Variants in GBE1 observed in about 807,000 individuals in gnomAD.
GBE1 encodes 1,4-alpha-glucan branching enzyme 1.
Under a neutral mutation model 88.8 loss-of-function variants are expected in GBE1, and 70 were observed. That is an observed-to-expected ratio of 0.79 (90% CI 0.65 to 0.96). GBE1 has a LOEUF of 0.96. GBE1 is among the 40% of genes least tolerant of loss of function. The pLI is 0.00. For synonymous variants in GBE1, 284 were observed against 300.1 expected (o/e 0.95, Z 0.56); for missense variants, 872 against 871.0 (o/e 1.00, Z -0.01).
At chr3:81,620,309 A>G (rs1704308365) in intron 7 of GBE1, among the ~76,000 whole-genome samples, 4 of 151,654 alleles carry the variant, frequency 2.6e-5, no homozygotes, top group Admixed American at 2.6e-4. Flanking sequence ...CAACCTCCTG[A>G]GTAGCTGGGA....
At chr3:81,599,520 GC>G (rs1481479135) in intron 7 of GBE1, among the ~76,000 whole-genome samples, 4 of 152,226 alleles carry the variant, frequency 2.6e-5, no homozygotes, top group African/African-American at 9.6e-5. Flanking sequence ...TTGCTCCTAG[GC>G]TACAAACCTG....
rs765038598 is a variant in GBE1, at chr3:81,638,544, T to C, written c.992+4237A>G. Among the ~76,000 whole-genome samples the C allele has an allele frequency of 1.5e-4, 23 of 152,274 alleles. No individual in the cohort carries two copies. In the South Asian group the frequency reaches 2.3e-3, roughly 15 times the overall value. On this transcript the variant is annotated intron_variant, in intron 7 of 15. Coordinates refer to ENST00000429644, the MANE Select transcript of GBE1 (RefSeq NM_000158.4). ...ACTACATTATATTCATTATTACTAATTCTAGAAACTCCTGAAACTTATGGG... is the reference window on the plus strand; with the variant it reads ...ACTACATTATATTCATTATTACTAACTCTAGAAACTCCTGAAACTTATGGG...
chr3:81,640,240 G>A (rs1347609138), intron 7 of GBE1, among the ~76,000 whole-genome samples: 1 of 151,704 alleles, frequency 6.6e-6, no homozygotes, highest in Non-Finnish European at 1.5e-5. Context: ...TAACATTTGA[G>A]TCAGTGGACT....
At chr3:81,693,964 GT>G (rs1705556551) in intron 2 of GBE1, among the ~76,000 whole-genome samples, 1 of 152,084 alleles carries the variant, frequency 6.6e-6, no homozygotes, top group African/African-American at 2.4e-5. Flanking sequence ...TGTATAAACT[GT>G]TTTATGATAT....
intron 1 of GBE1, among the ~76,000 whole-genome samples, chr3:81,755,938 AT>A (rs144969922): frequency 0.026 from 3,939 of 151,666 alleles, 172 homozygotes; most frequent in African/African-American, 0.089. Flanking sequence ...CCTCAATACA[AT>A]TTTTTTTTAA....
intron 3 of GBE1, among the ~76,000 whole-genome samples, chr3:81,656,267 T>G (rs931080510): frequency 6.6e-6 from 1 of 152,122 alleles, no homozygotes; most frequent in Non-Finnish European, 1.5e-5. Flanking sequence ...ATTTCCAGAT[T>G]CTGCAGGGGG....
chr3:81,556,063 G>A (rs1703344098), intron 12 of GBE1, among the ~76,000 whole-genome samples: 1 of 152,078 alleles, frequency 6.6e-6, no homozygotes, highest in African/African-American at 2.4e-5. Context: ...ACAGTGAGAT[G>A]TTCTGTACAT....
chr3:81,700,320 T>A (rs1447949647), intron 2 of GBE1, among the ~76,000 whole-genome samples: 1 of 152,174 alleles, frequency 6.6e-6, no homozygotes, highest in African/African-American at 2.4e-5. Flanking sequence ...AAATGATCGC[T>A]AATTTTCGTA....
intron 2 of GBE1, among the ~76,000 whole-genome samples, chr3:81,689,829 T>C (rs1275008845): frequency 6.6e-6 from 1 of 152,110 alleles, no homozygotes; most frequent in Admixed American, 6.5e-5. Context: ...TTGTTTGCAG[T>C]GGGGAGGAGC....
chr3:81,675,913 G>T (rs993371934), intron 2 of GBE1, among the ~76,000 whole-genome samples: 1 of 151,848 alleles, frequency 6.6e-6, no homozygotes, highest in Non-Finnish European at 1.5e-5. Flanking sequence ...TAAAACTTAG[G>T]TATACAAATA....
chr3:81,693,276 C>G (rs1705546379), intron 2 of GBE1, among the ~76,000 whole-genome samples: 1 of 151,900 alleles, frequency 6.6e-6, no homozygotes, highest in African/African-American at 2.4e-5. Context: ...AAAACAGTAT[C>G]CTGAAGGAGT....
intron 2 of GBE1, among the ~76,000 whole-genome samples, chr3:81,683,272 ACT>A (rs959346892): frequency 5.9e-5 from 9 of 152,192 alleles, no homozygotes; most frequent in African/African-American, 2.2e-4. Flanking sequence ...AAAAAATAAA[ACT>A]TTTTTTAAAA....
intron 12 of GBE1, among the ~76,000 whole-genome samples, chr3:81,548,167 G>T (rs1006789673): frequency 1.3e-5 from 2 of 151,354 alleles, no homozygotes; most frequent in Non-Finnish European, 3.0e-5. Context: ...CCTTGCAACC[G>T]GAATTTGGCT....
chr3:81,578,124 ATG>A lies in GBE1; in HGVS notation c.1447-30_1447-29del, dbSNP rs1164313237. ...ACAGAAATAAAAGTAATGGAGATAA[ATG>A]AAAAAAAAAAGTGCTAAGTAGTTGT... On this transcript the variant is annotated intron_variant, in intron 11 of 15. Coordinates refer to ENST00000429644, the MANE Select transcript of GBE1 (RefSeq NM_000158.4). 7.2e-6 allele frequency: 11 copies of A among 1,527,394 alleles called. No individual in the cohort carries two copies. The Admixed American group carries it at 1.1e-4, about 15-fold the overall frequency. 94.6% of individuals were successfully genotyped at this position (1,527,394 alleles called of 1,614,324 possible).
At chr3:81,671,303 C>CA (rs2107115406) in intron 2 of GBE1, among the ~76,000 whole-genome samples, 1 of 152,042 alleles carries the variant, frequency 6.6e-6, no homozygotes, top group East Asian at 1.9e-4. Flanking sequence ...ATATTATGAA[C>CA]AAACAAATGT....
chr3:81,508,152 T>TA (rs1253557168), intron 14 of GBE1, among the ~76,000 whole-genome samples: 1 of 152,172 alleles, frequency 6.6e-6, no homozygotes, highest in East Asian at 1.9e-4. Context: ...CAAATGGTAA[T>TA]ACAAAATTTT....
intron 1 of GBE1, among the ~76,000 whole-genome samples, chr3:81,737,801 C>A (rs544095505): frequency 6.6e-6 from 1 of 151,716 alleles, no homozygotes; most frequent in Non-Finnish European, 1.5e-5. Flanking sequence ...GTGCACAATG[C>A]GCAGGTTAGT....
At chr3:81,658,453 T>TAA (rs752312990) in intron 3 of GBE1, among the ~76,000 whole-genome samples, 22 of 152,160 alleles carry the variant, frequency 1.4e-4, no homozygotes, top group Non-Finnish European at 3.1e-4. Context: ...CTGTAATACT[T>TAA]ACACATGAGA....
At chr3:81,530,149 C>G (rs189437177) in intron 14 of GBE1, among the ~76,000 whole-genome samples, 1 of 151,920 alleles carries the variant, frequency 6.6e-6, no homozygotes, top group Admixed American at 6.6e-5. Context: ...TTTTCAGCCC[C>G]AGAATTTCTG....
Sources: allele counts gnomAD v4.1 joint callset (sites outside exome capture counted in the v4.1 genomes callset), GRCh38; gene constraint gnomAD v4.1.1; transcripts MANE v1.5; gene names NCBI Gene and HGNC (gene_info 2026-07-23, HGNC 2026-07-21).